The following CHN2 variants were observed in gnomAD, a reference collection of about 807,000 sequenced individuals.
CHN2 encodes beta-chimaerin.
CHN2 carries 35 observed loss-of-function variants against 56.3 expected under a neutral mutation model. The ratio of observed to expected loss-of-function variants is 0.62; its 90% CI spans 0.47 to 0.82. CHN2 has a LOEUF of 0.82. Among genes scored for constraint, CHN2 ranks in the 40% least tolerant of loss-of-function variants. The pLI is 0.00. For missense variants in CHN2, 491 were observed against 580.5 expected (o/e 0.85, Z 1.58); for synonymous variants, 210 against 212.8 (o/e 0.99, Z 0.12).
chr7:29,494,802 GCCTCT>G (rs1170411415), intron 7 of CHN2, among the ~76,000 whole-genome samples: 19 of 151,548 alleles, frequency 1.3e-4, no homozygotes, highest in African/African-American at 3.4e-4. Context: ...CATTTTGTTT[GCCTCT>G]TTATGTACAC....
chr7:29,399,099 A>C lies in CHN2; in HGVS notation c.290+613A>C, dbSNP rs569872385. Among the ~76,000 whole-genome samples, 5 of 152,326 alleles carry C rather than the reference A, an allele frequency of 3.3e-5. No homozygotes were observed. In the South Asian group the frequency reaches 6.2e-4, roughly 19 times the overall value. On this transcript the variant is annotated intron_variant, in intron 5 of 12. Transcript: ENST00000222792. ...ACCAGCAGTATATCAGAGTTTGTTT[A>C]CATTTCCTCAGCCGCAGATGCTATC...
chr7:29,431,060 TGCCCCCAA>T (rs1782823048), intron 6 of CHN2, among the ~76,000 whole-genome samples: 2 of 152,048 alleles, frequency 1.3e-5, no homozygotes, highest in African/African-American at 4.8e-5. Flanking sequence ...GCAGAGAATC[TGCCCCCAA>T]GCCTAACCAG....
In CHN2 at chr7:29,507,373, C is replaced by A. The variant is rs775872235; in HGVS notation, c.1129+8C>A. 30 of 1,587,912 alleles carry A rather than the reference C, an allele frequency of 1.9e-5. No individual in the cohort carries two copies. Among genetic ancestry groups the A allele is most frequent in the Non-Finnish European group, 2.4e-5 (28 of 1,168,218 alleles). ...AATTTATAGATGCAGCAAGTAAGTA[C>A]TTCAAATTAATTTTTTATTTCTACC... On this transcript the variant is annotated splice_region_variant and intron_variant, in intron 11 of 12. Coordinates refer to ENST00000222792, the MANE Select transcript of CHN2 (RefSeq NM_004067.4).
intron 7 of CHN2, 73 bp downstream of exon 7, chr7:29,480,429 T>C (rs768066192): frequency 1.4e-4 from 203 of 1,463,438 alleles, no homozygotes; most frequent in Non-Finnish European, 1.8e-4. Flanking sequence ...AGTTTCCGTC[T>C]GGTTTCTGAC....
chr7:29,479,927 C>T lies in CHN2; in HGVS notation c.577-352C>T, dbSNP rs1786960614. On this transcript the variant is annotated intron_variant, in intron 6 of 12. Transcript: ENST00000222792. ...AGCACAAAACAGGCCCATCCTTATT[C>T]AGAAGCCGGGCCCCCTCCATCACTC... 46 of 1,438,458 alleles carry T rather than the reference C, an allele frequency of 3.2e-5. 1 individual carries two copies. The South Asian group carries it at 6.0e-4, about 19-fold the overall frequency. 89.1% of individuals were successfully genotyped at this position (1,438,458 alleles called of 1,614,324 possible). A position where few individuals can be genotyped will look rare whatever the true frequency, so the allele number is the denominator to read the frequency against.
Position 29,374,737 on chromosome 7 carries a change from TTGA to T in CHN2, c.144+6752_144+6754del, listed in dbSNP as rs533457247. ...AAGTAAATGGGAAATTAAACAGTGA[TTGA>T]TAATAGGCAAAGTTTCCGGAGAAGA... On this transcript the variant is annotated intron_variant, in intron 3 of 12. Transcript: ENST00000222792. Among the ~76,000 whole-genome samples, 25 of 152,230 alleles carry T rather than the reference TTGA, an allele frequency of 1.6e-4. No individual in the cohort carries two copies. In the East Asian group the frequency reaches 4.8e-3, roughly 29 times the overall value.
intron 6 of CHN2, among the ~76,000 whole-genome samples, chr7:29,403,922 A>G (rs1192477646): frequency 6.6e-6 from 1 of 152,214 alleles, no homozygotes; most frequent in African/African-American, 2.4e-5. Flanking sequence ...GAGCTCAGAC[A>G]TTTAGTGTTA....
At chr7:29,325,115 A>G (rs1050849718) in intron 1 of CHN2, among the ~76,000 whole-genome samples, 7 of 152,156 alleles carry the variant, frequency 4.6e-5, no homozygotes, top group South Asian at 2.1e-4. Context: ...TCTGGGATCA[A>G]TTTCTAGCTG....
chr7:29,222,960 G>T (rs561305639), intron 1 of CHN2, among the ~76,000 whole-genome samples: 128 of 152,266 alleles, frequency 8.4e-4, no homozygotes, highest in African/African-American at 3.0e-3. Flanking sequence ...ATGCATATCT[G>T]ACAAAGTACT....
intron 12 of CHN2, among the ~76,000 whole-genome samples, chr7:29,511,100 T>C (rs1791299952): frequency 6.9e-6 from 1 of 145,764 alleles, no homozygotes; most frequent in Non-Finnish European, 1.5e-5. Flanking sequence ...AACCGAAAAT[T>C]GTCTACATTG....
chr7:29,170,233 A>G (rs1235360886), intron 2 of CHN2, among the ~76,000 whole-genome samples: 2 of 152,166 alleles, frequency 1.3e-5, no homozygotes, highest in Non-Finnish European at 2.9e-5. Flanking sequence ...TGCTGGTGAT[A>G]CTGATGAAAC....
At chr7:29,351,954 A>G (rs1219450071) in intron 1 of CHN2, among the ~76,000 whole-genome samples, 1 of 152,182 alleles carries the variant, frequency 6.6e-6, no homozygotes, top group African/African-American at 2.4e-5. Context: ...TCTGGAACAG[A>G]CTGGGTTGTT....
In CHN2 at chr7:29,330,425, G is replaced by A. The variant is rs540838373; in HGVS notation, c.50-24200G>A. Among the ~76,000 whole-genome samples, 4 of 152,268 alleles carry A rather than the reference G, an allele frequency of 2.6e-5. 1 individual carries two copies. In the South Asian group the frequency reaches 8.3e-4, roughly 32 times the overall value. On this transcript the variant is annotated intron_variant, in intron 1 of 12. Transcript: ENST00000222792. The stretch of plus-strand genomic sequence containing the variant: ...TGAGAACCTTACACAGTTGGACAAC[G>A]TAAGAAAAAGAGAGTCCCCCGCTTA...
At chr7:29,355,898 C>T (rs1455614337) in intron 2 of CHN2, among the ~76,000 whole-genome samples, 1 of 151,146 alleles carries the variant, frequency 6.6e-6, no homozygotes, top group Non-Finnish European at 1.5e-5. Flanking sequence ...ATCCTGCCCC[C>T]TCAGCCTCCC....
intron 1 of CHN2, among the ~76,000 whole-genome samples, chr7:29,337,656 G>C (rs3793286): frequency 6.6e-6 from 1 of 152,086 alleles, no homozygotes; most frequent in African/African-American, 2.4e-5. Flanking sequence ...GCATACATTT[G>C]TTCAAGCATT....
intron 2 of CHN2, among the ~76,000 whole-genome samples, chr7:29,364,447 T>C (rs1283203897): frequency 2.0e-5 from 3 of 152,218 alleles, no homozygotes; most frequent in Admixed American, 2.0e-4. Flanking sequence ...TCAAGAGGCA[T>C]TGACAATGGG....
At chr7:29,276,940 G>A (rs1446502448) in intron 1 of CHN2, among the ~76,000 whole-genome samples, 5 of 152,228 alleles carry the variant, frequency 3.3e-5, no homozygotes, top group East Asian at 3.9e-4. Context: ...AAATGAATAC[G>A]CAAGAAGGGC....
At chr7:29,191,188 T>A (rs991533592), upstream of CHN2, among the ~76,000 whole-genome samples, 4 of 152,148 alleles carry the variant, frequency 2.6e-5, no homozygotes, top group Non-Finnish European at 5.9e-5. Flanking sequence ...CACCTCAACT[T>A]ACTGAGTCAC....
intron 6 of CHN2, among the ~76,000 whole-genome samples, chr7:29,460,488 ACTGT>A (rs1367270943): frequency 6.6e-6 from 1 of 152,152 alleles, no homozygotes; most frequent in African/African-American, 2.4e-5. Context: ...GTAAATACAA[ACTGT>A]CTGGTCTTTA....
Sources: gnomAD v4.1 joint callset for allele counts (sites outside exome capture counted in the v4.1 genomes callset) on GRCh38, gnomAD v4.1.1 for gene constraint, MANE v1.5 for transcripts, NCBI Gene and HGNC (gene_info 2026-07-23, HGNC 2026-07-21) for gene names.